The following GUCY1B1 variants were observed in gnomAD, a reference collection of about 807,000 sequenced individuals.
The protein encoded by GUCY1B1 is guanylate cyclase soluble subunit beta-1.
In GUCY1B1, 43 loss-of-function variants were observed where a neutral mutation model predicts 71.0. That is an observed-to-expected ratio of 0.61 (90% CI 0.47 to 0.78). GUCY1B1 has a LOEUF of 0.78. Among genes scored for constraint, GUCY1B1 ranks in the 30% least tolerant of loss-of-function variants. The pLI is 0.00. For synonymous variants in GUCY1B1, 266 were observed against 259.7 expected (o/e 1.02, Z -0.23); for missense variants, 535 against 754.1 (o/e 0.71, Z 3.40).
At chr4:155,798,457 C>T (rs1322043075) in intron 8 of GUCY1B1, among the ~76,000 whole-genome samples, 1 of 152,132 alleles carries the variant, frequency 6.6e-6, no homozygotes, top group Non-Finnish European at 1.5e-5. Context: ...TGGCTTCTTT[C>T]TAGATGTGTC....
At chr4:155,759,546 G>A (rs1270906474) in intron 1 of GUCY1B1, 2 of 537,454 alleles carry the variant, frequency 3.7e-6, no homozygotes, top group Non-Finnish European at 6.5e-6. Context: ...TGACAGGTGA[G>A]GAGGGTGGGA....
At chr4:155,766,189 C>T (rs577473966) in intron 2 of GUCY1B1, among the ~76,000 whole-genome samples, 2 of 152,214 alleles carry the variant, frequency 1.3e-5, no homozygotes, top group African/African-American at 2.4e-5. Flanking sequence ...ATATTTTTAT[C>T]AAAGATTCTT....
intron 2 of GUCY1B1, among the ~76,000 whole-genome samples, chr4:155,767,023 AT>A (rs1198793574): frequency 2.0e-5 from 3 of 152,182 alleles, no homozygotes; most frequent in Non-Finnish European, 4.4e-5. Flanking sequence ...CATTTTGCAA[AT>A]GAGAGAATAG....
intron 2 of GUCY1B1, among the ~76,000 whole-genome samples, chr4:155,768,369 C>T (rs1737477895): frequency 6.6e-6 from 1 of 151,146 alleles, no homozygotes; most frequent in Non-Finnish European, 1.5e-5. Flanking sequence ...AATTGTATAC[C>T]TAGTTTTAAA....
intron 9 of GUCY1B1, 150 bp downstream of exon 9, chr4:155,800,224 A>G: frequency 2.0e-6 from 1 of 495,760 alleles, no homozygotes; most frequent in East Asian, 3.2e-5. Flanking sequence ...TTAAAAAGAA[A>G]TTATGCTTAA....
Position 155,795,357 on chromosome 4 carries a change from G to A in GUCY1B1, c.743G>A (p.Cys248Tyr). The A allele has an allele frequency of 6.2e-7, 1 of 1,601,030 alleles. No homozygotes were observed. The highest frequency in any genetic ancestry group is 1.1e-5 in the South Asian group (1 of 90,468). The change falls in exon 7 of 14, where the codon TGC becomes TAC. Residue 248 changes from cysteine (C) to tyrosine (Y), a missense_variant. Coordinates refer to ENST00000264424, the MANE Select transcript of GUCY1B1 (RefSeq NM_000857.5). ...RVLPQLQPGN[C>Y]SLLSVFSLVR... ...ATATTTTAGCTCCAGCCTGGGAATT[G>A]CAGCCTTCTGTCTGTCTTCTCGCTG...
intron 4 of GUCY1B1, among the ~76,000 whole-genome samples, chr4:155,785,980 G>T (rs887796672): frequency 9.2e-5 from 14 of 152,100 alleles, no homozygotes; most frequent in African/African-American, 3.1e-4. Flanking sequence ...GTATCCTTTG[G>T]TGAGGGTGCA....
chr4:155,768,690 G>A (rs1045629501), intron 2 of GUCY1B1, among the ~76,000 whole-genome samples: 2 of 152,072 alleles, frequency 1.3e-5, no homozygotes, highest in Non-Finnish European at 2.9e-5. Flanking sequence ...TTGTGAAAAG[G>A]TAATTAGTAT....
At chr4:155,779,116 C>T (rs1738249394) in intron 4 of GUCY1B1, among the ~76,000 whole-genome samples, 2 of 152,064 alleles carry the variant, frequency 1.3e-5, no homozygotes, top group African/African-American at 4.8e-5. Context: ...CATGAGGCTA[C>T]TCAGCATTTA....
At chr4:155,779,917 T>C (rs1260715432) in intron 4 of GUCY1B1, among the ~76,000 whole-genome samples, 1 of 152,204 alleles carries the variant, frequency 6.6e-6, no homozygotes, top group Non-Finnish European at 1.5e-5. Flanking sequence ...TCACAGCATC[T>C]TTAGATTCTA....
intron 2 of GUCY1B1, among the ~76,000 whole-genome samples, chr4:155,760,225 C>T (rs1736898374): frequency 1.3e-5 from 2 of 152,216 alleles, no homozygotes; most frequent in South Asian, 4.1e-4. Flanking sequence ...CCGCGAGGTT[C>T]CTGCGCCCGG....
At chr4:155,798,899 A>G (rs1739751245) in intron 8 of GUCY1B1, among the ~76,000 whole-genome samples, 2 of 152,164 alleles carry the variant, frequency 1.3e-5, no homozygotes, top group African/African-American at 4.8e-5. Context: ...ATGCAGTGGC[A>G]TGATCTCAGC....
chr4:155,798,614 T>G (rs1013149071), intron 8 of GUCY1B1, among the ~76,000 whole-genome samples: 3 of 152,200 alleles, frequency 2.0e-5, no homozygotes, highest in Non-Finnish European at 4.4e-5. Context: ...GAGAATATAT[T>G]GCATTAATCC....
intron 13 of GUCY1B1, 123 bp downstream of exon 13, chr4:155,805,352 A>G (rs1740245476): frequency 1.2e-6 from 1 of 816,872 alleles, no homozygotes; most frequent in Non-Finnish European, 1.9e-6. Context: ...ATTAACTTCT[A>G]AGTAAAGCAG....
At chr4:155,786,938 A>T (rs1490160634) in intron 4 of GUCY1B1, among the ~76,000 whole-genome samples, 1 of 152,166 alleles carries the variant, frequency 6.6e-6, no homozygotes, top group African/African-American at 2.4e-5. Flanking sequence ...CCAACAACAC[A>T]GTACCTGGGC....
In GUCY1B1 at chr4:155,807,784, C is replaced by G. The variant is rs1051251804; in HGVS notation, c.*1375C>G. 5.3e-5 allele frequency among the ~76,000 whole-genome samples: 8 copies of G among 151,900 alleles called. No homozygotes were observed. The highest frequency in any genetic ancestry group is 1.9e-4 in the African/African-American group (8 of 41,358). On this transcript the variant is annotated 3_prime_UTR_variant, in exon 14 of 14. Coordinates refer to ENST00000264424, the MANE Select transcript of GUCY1B1 (RefSeq NM_000857.5). ...CCAACAGAGTGACAGGAAATAAAGA[C>G]TGGGCATGGAAAGGGGAAACAGTTA...
At chr4:155,780,165 C>G (rs145979843) in intron 4 of GUCY1B1, among the ~76,000 whole-genome samples, 53 of 152,258 alleles carry the variant, frequency 3.5e-4, no homozygotes, top group African/African-American at 1.2e-3. Flanking sequence ...TGGAAACTGT[C>G]AAAATATTTA....
At chr4:155,759,888 C>T (rs1053212659) in intron 2 of GUCY1B1, 28 bp downstream of exon 2, 1 of 1,566,030 alleles carries the variant, frequency 6.4e-7, no homozygotes, top group Non-Finnish European at 8.8e-7. Context: ...CTGGCTGTGG[C>T]CCAGGTCGGC....
rs1190429915 is a variant in GUCY1B1 at position 155,804,805 on chromosome 4, G to A, written c.1709+58G>A. On this transcript the variant is annotated intron_variant, in intron 12 of 13. Coordinates refer to ENST00000264424, the MANE Select transcript of GUCY1B1 (RefSeq NM_000857.5). ...GCAAAGAAAATGTGTCTTTGCATGT[G>A]GTTTAATTCTCTGAGAGATTTTGTT... The A allele has an allele frequency of 4.1e-6, 6 of 1,446,594 alleles. No homozygotes were observed. In the Admixed American group the frequency reaches 1.2e-4, roughly 28 times the overall value. The allele number at this position is 1,446,594 out of a possible 1,614,324, so 89.6% of individuals were successfully genotyped here.
Sources: allele counts gnomAD v4.1 joint callset (sites outside exome capture counted in the v4.1 genomes callset), GRCh38; gene constraint gnomAD v4.1.1; transcripts MANE v1.5; gene names NCBI Gene and HGNC (gene_info 2026-07-23, HGNC 2026-07-21).